NEO1: variants seen among roughly 807,000 people sequenced by gnomAD.
NEO1 encodes the protein neogenin 1, also known as neogenin.
NEO1 carries 63 observed loss-of-function variants against 159.7 expected under a neutral mutation model. The ratio of observed to expected loss-of-function variants is 0.39; its 90% CI spans 0.32 to 0.49. The LOEUF is 0.49. Among genes scored for constraint, NEO1 ranks in the 20% least tolerant of loss-of-function variants. NEO1 has a pLI of 0.85. For missense variants in NEO1, 1,615 were observed against 1,831.0 expected (o/e 0.88, Z 2.15); for synonymous variants, 633 against 662.0 (o/e 0.96, Z 0.67).
At chr15:73,077,263 T>G (rs1342442203) in intron 1 of NEO1, among the ~76,000 whole-genome samples, 1 of 152,124 alleles carries the variant, frequency 6.6e-6, no homozygotes, top group East Asian at 1.9e-4. Context: ...AGGCTGGTCT[T>G]GAACTCCTGA....
chr15:73,248,392 T>C (rs1780008467), intron 9 of NEO1, among the ~76,000 whole-genome samples: 1 of 152,196 alleles, frequency 6.6e-6, no homozygotes, highest in Non-Finnish European at 1.5e-5. Context: ...TGACTAGTCA[T>C]TGTTTTCAAC....
rs1040617684 is a variant in NEO1, at chr15:73,304,857, G to A, written c.*2161G>A. 3.5e-4 allele frequency: 53 copies of A among 152,062 alleles called. No individual in the cohort carries two copies. The highest frequency in any genetic ancestry group is 1.1e-3 in the African/African-American group (47 of 41,380). The allele number at this position is 152,062 out of a possible 1,614,324, so 9.4% of individuals were successfully genotyped here. A position where few individuals can be genotyped will look rare whatever the true frequency, so the allele number is the denominator to read the frequency against. On this transcript the variant is annotated 3_prime_UTR_variant, in exon 29 of 29. Coordinates refer to ENST00000261908, the MANE Select transcript of NEO1 (RefSeq NM_002499.4). ...TAAATAAAATAACTGTTCAAAGTTG[G>A]GGGTTTTTTAAAAAATTAAGAAAAA...
At chr15:73,298,672 C>G (rs549396064) in intron 27 of NEO1, 61 bp downstream of exon 27, 2 of 1,593,350 alleles carry the variant, frequency 1.3e-6, no homozygotes, top group South Asian at 1.1e-5. Flanking sequence ...TTGGCTCAAG[C>G]TTGGGACAAA....
intron 7 of NEO1, among the ~76,000 whole-genome samples, chr15:73,202,346 C>T (rs2036947673): frequency 6.6e-6 from 1 of 152,058 alleles, no homozygotes; most frequent in Non-Finnish European, 1.5e-5. Flanking sequence ...ACATGAAGAT[C>T]TTCAAAAAAT....
At chr15:73,206,157 C>A (rs2037211778) in intron 7 of NEO1, among the ~76,000 whole-genome samples, 2 of 152,052 alleles carry the variant, frequency 1.3e-5, no homozygotes, top group South Asian at 2.1e-4. Flanking sequence ...TCTGCCCACC[C>A]CAGCCTCCCA....
chr15:73,167,969 AAGTC>A (rs1192641118), intron 5 of NEO1, among the ~76,000 whole-genome samples: 2 of 152,180 alleles, frequency 1.3e-5, no homozygotes, highest in Non-Finnish European at 2.9e-5. Flanking sequence ...TTCATGCAGA[AAGTC>A]AGACACTCAA....
intron 11 of NEO1, among the ~76,000 whole-genome samples, chr15:73,251,883 T>C (rs1330333373): frequency 6.6e-6 from 1 of 152,176 alleles, no homozygotes; most frequent in African/African-American, 2.4e-5. Context: ...AGAAACTCCG[T>C]CCTGAGATTA....
intron 5 of NEO1, among the ~76,000 whole-genome samples, chr15:73,141,108 A>G (rs1167400794): frequency 6.6e-6 from 1 of 152,208 alleles, no homozygotes; most frequent in Non-Finnish European, 1.5e-5. Flanking sequence ...ATTATAACTC[A>G]TAATGTGCAA....
intron 13 of NEO1, among the ~76,000 whole-genome samples, chr15:73,258,289 C>T (rs1023390448): frequency 1.3e-5 from 2 of 152,130 alleles, no homozygotes; most frequent in African/African-American, 2.4e-5. Context: ...AATTTTTCTG[C>T]CATGATTATG....
chr15:73,066,483 T>G (rs975481961), intron 1 of NEO1, among the ~76,000 whole-genome samples: 9 of 152,084 alleles, frequency 5.9e-5, no homozygotes, highest in Non-Finnish European at 1.2e-4. Context: ...TTTCATGTTC[T>G]TAGTTGTGAT....
chr15:73,111,936 A>T (rs114860306), intron 1 of NEO1, among the ~76,000 whole-genome samples: 2 of 152,224 alleles, frequency 1.3e-5, no homozygotes, highest in South Asian at 4.2e-4. Context: ...CACCCAGCCA[A>T]TGTAGTATTT....
chr15:73,120,998 G>A (rs1181669977), intron 2 of NEO1, among the ~76,000 whole-genome samples: 2 of 151,740 alleles, frequency 1.3e-5, no homozygotes, highest in African/African-American at 2.4e-5. Context: ...ATATTTTTTC[G>A]GAGCCAGTAA....
intron 5 of NEO1, among the ~76,000 whole-genome samples, chr15:73,152,262 C>G (rs781020743): frequency 2.9e-4 from 44 of 152,174 alleles, no homozygotes; most frequent in Non-Finnish European, 6.3e-4. Flanking sequence ...TTTCACCTGC[C>G]CCAAGGCTCT....
chr15:73,296,920 G>C (rs2042395501), intron 26 of NEO1, among the ~76,000 whole-genome samples: 1 of 152,162 alleles, frequency 6.6e-6, no homozygotes, highest in Non-Finnish European at 1.5e-5. Flanking sequence ...TTAAATTTTT[G>C]GACAGCAGTT....
intron 15 of NEO1, among the ~76,000 whole-genome samples, chr15:73,263,190 CTTTTTTTT>C (rs33959030): frequency 1.6e-5 from 2 of 124,178 alleles, no homozygotes; most frequent in African/African-American, 2.9e-5. Context: ...TCATAGTTGA[CTTTTTTTT>C]TTTTTTTTTT....
chr15:73,100,896 A>G (rs563091453), intron 1 of NEO1, among the ~76,000 whole-genome samples: 2 of 152,090 alleles, frequency 1.3e-5, no homozygotes, highest in African/African-American at 4.8e-5. Context: ...GTCCTTCCCA[A>G]CACCACCACC....
chr15:73,058,367 C>T (rs1359338851), intron 1 of NEO1, among the ~76,000 whole-genome samples: 9 of 152,184 alleles, frequency 5.9e-5, no homozygotes, highest in Admixed American at 4.6e-4. Flanking sequence ...GTCTCACAAC[C>T]TTTCATGTGC....
chr15:73,168,223 T>A (rs2034705575), intron 5 of NEO1, among the ~76,000 whole-genome samples: 2 of 151,998 alleles, frequency 1.3e-5, no homozygotes, highest in Non-Finnish European at 2.9e-5. Flanking sequence ...GGAGTCTCCC[T>A]CTGGTGCCCA....
intron 5 of NEO1, among the ~76,000 whole-genome samples, chr15:73,141,842 T>C (rs2151783424): frequency 6.6e-6 from 1 of 152,340 alleles, no homozygotes; most frequent in South Asian, 2.1e-4. Context: ...TTAGTTCTCT[T>C]GGCTTCGGGA....
Sources: gnomAD v4.1 joint callset for allele counts (sites outside exome capture counted in the v4.1 genomes callset) on GRCh38, gnomAD v4.1.1 for gene constraint, MANE v1.5 for transcripts, NCBI Gene and HGNC (gene_info 2026-07-23, HGNC 2026-07-21) for gene names.